The following CSNK2A1 variants were observed in gnomAD, a reference collection of about 807,000 sequenced individuals.
CSNK2A1 encodes the protein casein kinase 2 alpha 1, also known as casein kinase II subunit alpha.
A neutral mutation model predicts 62.9 loss-of-function variants in CSNK2A1; 10 were observed. The ratio of observed to expected loss-of-function variants is 0.16; its 90% CI spans 0.10 to 0.27. The LOEUF (loss-of-function observed/expected upper bound fraction) is 0.27, where lower values mean the gene tolerates loss of function less well. Ranked by LOEUF, CSNK2A1 falls within the 10% of genes least tolerant of loss-of-function variation. CSNK2A1 has a pLI of 1.00. For missense variants in CSNK2A1, 160 were observed against 492.0 expected, an observed-to-expected ratio of 0.33 and a Z score of 6.38; for synonymous variants, 124 against 167.8, an observed-to-expected ratio of 0.74 and a Z score of 2.02.
At chr20:500,122 A>C in intron 4 of CSNK2A1, 188 bp from the exon 5 acceptor site, 1 of 549,338 alleles carries the variant, frequency 1.8e-6, no homozygotes, top group Non-Finnish European at 3.2e-6. Flanking sequence ...GGTACTTACA[A>C]ATGTTGAATT....
chr20:537,248 G>T (rs1039529315), intron 1 of CSNK2A1, among the ~76,000 whole-genome samples: 1 of 152,126 alleles, frequency 6.6e-6, no homozygotes, highest in Admixed American at 6.5e-5. Context: ...TTGTACCTTG[G>T]TATTTAACCC....
At chr20:514,792 A>G (rs982545855) in intron 2 of CSNK2A1, among the ~76,000 whole-genome samples, 1 of 152,172 alleles carries the variant, frequency 6.6e-6, no homozygotes, top group African/African-American at 2.4e-5. Context: ...TACCTCTGCA[A>G]ATGCATATGT....
intron 2 of CSNK2A1, among the ~76,000 whole-genome samples, chr20:518,408 G>A (rs2122599634): frequency 6.6e-6 from 1 of 152,258 alleles, no homozygotes; most frequent in African/African-American, 2.4e-5. Flanking sequence ...CTACTGAAGG[G>A]AATATCATAT....
intron 4 of CSNK2A1, chr20:503,609 C>T (rs558091130): frequency 9.5e-5 from 38 of 398,576 alleles, no homozygotes; most frequent in African/African-American, 7.0e-4. Flanking sequence ...GTGTTACACT[C>T]CTCGTGATGG....
chr20:505,351 G>GTTTTTTTTTTTT (rs746624346), intron 3 of CSNK2A1, 122 bp from the exon 4 acceptor site: 2 of 211,356 alleles, frequency 9.5e-6, no homozygotes, highest in African/African-American at 4.3e-5. Flanking sequence ...TCCCAAATAG[G>GTTTTTTTTTTTT]TTTTTTTTTT....
At position 480,458 on chromosome 20, in the gene CSNK2A1, A is replaced by G. The variant is rs960459229; in HGVS notation, c.*3503T>C. ...AACAAAAGGTTTTAATGAGGATTGC[A>G]TAAGACATGCAAGGTCACCAGGGAG... On this transcript the variant is annotated 3_prime_UTR_variant, in exon 14 of 14. Transcript: ENST00000217244. 1 of 152,184 alleles carries G rather than the reference A, an allele frequency of 6.6e-6. No homozygotes were observed. The highest frequency in any genetic ancestry group is 2.4e-5 in the African/African-American group (1 of 41,438). 9.4% of individuals were successfully genotyped at this position (152,184 alleles called of 1,614,324 possible).
intron 2 of CSNK2A1, among the ~76,000 whole-genome samples, chr20:512,567 C>G (rs1166421014): frequency 6.6e-6 from 1 of 152,148 alleles, no homozygotes. Context: ...AATAGCAAGA[C>G]TGGGATGGAG....
At chr20:530,731 T>C (rs991513623) in intron 1 of CSNK2A1, among the ~76,000 whole-genome samples, 6 of 152,162 alleles carry the variant, frequency 3.9e-5, no homozygotes, top group Admixed American at 2.6e-4. Context: ...CATCTTAGCC[T>C]TCCAAAGTGT....
intron 13 of CSNK2A1, among the ~76,000 whole-genome samples, chr20:485,109 A>AATATATATAAATATATATATATATATAT (rs2018062652): frequency 4.1e-5 from 1 of 24,666 alleles, no homozygotes. Context: ...AAAAAAAAAA[A>AATATATATAAATATATATATATATATAT]ATATATATAT....
intron 1 of CSNK2A1, among the ~76,000 whole-genome samples, chr20:542,899 C>T (rs780396753): frequency 6.6e-5 from 10 of 152,176 alleles, no homozygotes; most frequent in Non-Finnish European, 1.2e-4. Flanking sequence ...TCTGCTTCCC[C>T]AAAACAAACT....
chr20:473,106 T>G lies in CSNK2A1; in HGVS notation c.*10855A>C, dbSNP rs2122458300. ...GCTTCCAGTTCCTCCAATGACACCT[T>G]GGACTGAGGGTGCAGGCTGGCCTGC... On this transcript the variant is annotated 3_prime_UTR_variant, in exon 14 of 14. Transcript: ENST00000217244. The G allele has an allele frequency of 6.5e-6, 1 of 152,682 alleles. No homozygotes were observed. The highest frequency in any genetic ancestry group is 1.9e-4 in the East Asian group (1 of 5,198). The allele number at this position is 152,682 out of a possible 1,614,324, so 9.5% of individuals were successfully genotyped here.
intron 2 of CSNK2A1, among the ~76,000 whole-genome samples, chr20:522,076 C>A (rs939806590): frequency 3.9e-5 from 6 of 152,244 alleles, no homozygotes; most frequent in Non-Finnish European, 7.3e-5. Flanking sequence ...AGCTCTGCCT[C>A]CTGTCCCATC....
intron 3 of CSNK2A1, chr20:506,132 T>A (rs1174122052): frequency 6.6e-6 from 1 of 152,144 alleles, no homozygotes; most frequent in Non-Finnish European, 1.5e-5. Context: ...CGCCTTGGCC[T>A]CCCAAAGTGC....
At chr20:509,233 C>G (rs2018667382) in intron 2 of CSNK2A1, among the ~76,000 whole-genome samples, 1 of 152,192 alleles carries the variant, frequency 6.6e-6, no homozygotes, top group Non-Finnish European at 1.5e-5. Context: ...GAACCTTGAT[C>G]ACCATTTGAA....
At chr20:536,851 C>T (rs1018569363) in intron 1 of CSNK2A1, among the ~76,000 whole-genome samples, 2 of 152,162 alleles carry the variant, frequency 1.3e-5, no homozygotes, top group African/African-American at 2.4e-5. Flanking sequence ...CTGCCAGAAA[C>T]GTGGCAGGCG....
Position 543,761 on chromosome 20 carries a change from G to C in CSNK2A1, c.-316C>G, listed in dbSNP as rs893787606. Reference sequence around the variant, plus strand: ...GATGGAGGAGGAGACACACGGCTCGGCCGCCAGCCGCAGGGACCAGAGCGA... The same window carrying C: ...GATGGAGGAGGAGACACACGGCTCGCCCGCCAGCCGCAGGGACCAGAGCGA... On this transcript the variant is annotated 5_prime_UTR_variant, in exon 1 of 14. Transcript: ENST00000217244. 19 of 398,348 alleles carry C rather than the reference G, an allele frequency of 4.8e-5. No individual in the cohort carries two copies. Among genetic ancestry groups the C allele is most frequent in the East Asian group, 2.9e-4 (8 of 28,070 alleles). The allele number at this position is 398,348 out of a possible 1,614,324, so 24.7% of individuals were successfully genotyped here.
chr20:485,087 AAAAAAAAAAAAAAAAAAAAAAAAT>A (rs2018047745), intron 13 of CSNK2A1, among the ~76,000 whole-genome samples: 6 of 34,786 alleles, frequency 1.7e-4, no homozygotes, highest in South Asian at 1.5e-3. Flanking sequence ...AAAAAAAAAA[AAAAAAAAAAAAAAAAAAAAAAAAT>A]ATATATATAT....
chr20:501,703 T>C (rs1467930413), intron 4 of CSNK2A1: 1 of 152,176 alleles, frequency 6.6e-6, no homozygotes, highest in African/African-American at 2.4e-5. Context: ...TCCTAGGGTG[T>C]TGGTCACCTC....
intron 2 of CSNK2A1, among the ~76,000 whole-genome samples, chr20:527,098 A>C (rs1448033085): frequency 6.6e-6 from 1 of 151,796 alleles, no homozygotes; most frequent in Non-Finnish European, 1.5e-5. Flanking sequence ...GGAGTGAGGG[A>C]TGAATTAGGG....
Sources: allele counts gnomAD v4.1 joint callset (sites outside exome capture counted in the v4.1 genomes callset), GRCh38; gene constraint gnomAD v4.1.1; transcripts MANE v1.5; gene names NCBI Gene and HGNC (gene_info 2026-07-23, HGNC 2026-07-21).